MCFD2: variants seen among roughly 807,000 people sequenced by gnomAD.
MCFD2 encodes the protein multiple coagulation factor deficiency 2, ER cargo receptor complex subunit.
MCFD2 carries 11 observed loss-of-function variants against 12.8 expected under a neutral mutation model. The observed-to-expected ratio is 0.86, with a 90% CI of 0.54 to 1.42. MCFD2 has a LOEUF of 1.42. Ranked by LOEUF, MCFD2 falls within the 40% of genes most tolerant of loss-of-function variation. The pLI, the probability that MCFD2 is intolerant of heterozygous loss-of-function variation, is 0.00. For missense variants in MCFD2, 191 were observed against 178.6 expected (o/e 1.07, Z -0.40); for synonymous variants, 70 against 68.1 (o/e 1.03, Z -0.14).
chr2:46,910,479 C>T (rs925545542), intron 1 of MCFD2, among the ~76,000 whole-genome samples: 1 of 152,186 alleles, frequency 6.6e-6, no homozygotes, highest in Non-Finnish European at 1.5e-5. Context: ...GTGGTAAAGA[C>T]AAACCATAAG....
intron 1 of MCFD2, among the ~76,000 whole-genome samples, chr2:46,911,982 T>C (rs767222536): frequency 6.6e-5 from 10 of 152,170 alleles, no homozygotes; most frequent in Admixed American, 4.6e-4. Flanking sequence ...TTAATTCTTA[T>C]CTCCACAAAA....
At chr2:46,909,961 A>G (rs1668416270) in intron 1 of MCFD2, among the ~76,000 whole-genome samples, 1 of 152,238 alleles carries the variant, frequency 6.6e-6, no homozygotes, top group Admixed American at 6.5e-5. Flanking sequence ...TGGCAAAAGC[A>G]AGACTAGAGG....
chr2:46,919,874 G>C (rs979238245), upstream of MCFD2, among the ~76,000 whole-genome samples: 1 of 152,260 alleles, frequency 6.6e-6, no homozygotes, highest in East Asian at 1.9e-4. Context: ...CATTGGATGA[G>C]GGTGACCTCA....
intron 1 of MCFD2, among the ~76,000 whole-genome samples, chr2:46,926,045 G>C (rs902248165): frequency 3.9e-5 from 6 of 152,162 alleles, no homozygotes; most frequent in African/African-American, 1.4e-4. Flanking sequence ...TTACTCACTT[G>C]AGGTGCCCTT....
chr2:46,917,336 A>G (rs1488478297), upstream of MCFD2: 8 of 615,656 alleles, frequency 1.3e-5, no homozygotes, highest in Middle Eastern at 7.5e-4. Flanking sequence ...TATTAATTCA[A>G]GACCCATTCT....
chr2:46,914,496 G>C (rs1668617314), intron 1 of MCFD2, among the ~76,000 whole-genome samples: 1 of 152,226 alleles, frequency 6.6e-6, no homozygotes, highest in Admixed American at 6.5e-5. Flanking sequence ...ACTGAGGGTT[G>C]AGAATTGGTT....
At chr2:46,910,474 A>G (rs150254490) in intron 1 of MCFD2, among the ~76,000 whole-genome samples, 281 of 152,332 alleles carry the variant, frequency 1.8e-3, no homozygotes, top group Non-Finnish European at 3.4e-3. Context: ...CAGCAGTGGT[A>G]AAGACAAACC....
Position 46,910,116 on chromosome 2 carries a change from G to A in MCFD2, c.-6-939C>T, listed in dbSNP as rs544449519. ...GAAAGAAAAGTTACAGAGAAATCAGGATGCCATCAGGAACTCCCAGGGTTT... is the reference window on the plus strand; with the variant it reads ...GAAAGAAAAGTTACAGAGAAATCAGAATGCCATCAGGAACTCCCAGGGTTT... On this transcript the variant is annotated intron_variant, in intron 1 of 3. Transcript: ENST00000319466. Among the ~76,000 whole-genome samples the A allele has an allele frequency of 2.0e-5, 3 of 152,314 alleles. No individual in the cohort carries two copies. The South Asian group carries it at 6.2e-4, about 32-fold the overall frequency.
intron 1 of MCFD2, among the ~76,000 whole-genome samples, chr2:46,923,997 A>G (rs1572637929): frequency 6.6e-6 from 1 of 152,004 alleles, no homozygotes; most frequent in Middle Eastern, 3.4e-3. Flanking sequence ...CGGCCTCCCA[A>G]AGTGCTGGGA....
intron 3 of MCFD2, chr2:46,905,844 C>T (rs1474661225): frequency 1.7e-6 from 1 of 589,852 alleles, no homozygotes; most frequent in African/African-American, 1.9e-5. Context: ...TTATCATAAT[C>T]CAGTTTAGAA....
In MCFD2 at chr2:46,907,099, C is replaced by T. The variant is rs1228481465; in HGVS notation, c.309+711G>A. 6.5e-6 allele frequency: 1 copy of T among 153,542 alleles called. No individual in the cohort carries two copies. Among genetic ancestry groups the T allele is most frequent in the African/African-American group, 2.4e-5 (1 of 41,450 alleles). 9.5% of individuals were successfully genotyped at this position (153,542 alleles called of 1,614,324 possible). On this transcript the variant is annotated intron_variant, in intron 3 of 3. Coordinates refer to ENST00000319466, the MANE Select transcript of MCFD2 (RefSeq NM_139279.6). This position sits in a 1 kb window ranked among gnomAD's most constrained non-coding sequence, Gnocchi z 4.1. The stretch of plus-strand genomic sequence containing the variant: ...AAGGGCTTCAGAAACTTTGGAGCAC[C>T]ATACAGTATCACACAAGCCCTCAAT...
At chr2:46,931,692 T>TAAATAAATAAATA (rs370894593) in intron 1 of MCFD2, among the ~76,000 whole-genome samples, 9 of 148,548 alleles carry the variant, frequency 6.1e-5, no homozygotes, top group African/African-American at 1.8e-4. Flanking sequence ...AAACAGACAA[T>TAAATAAATAAATA]AATAAATAAA....
At chr2:46,906,273 T>A (rs931634197) in intron 3 of MCFD2, among the ~76,000 whole-genome samples, 3 of 152,096 alleles carry the variant, frequency 2.0e-5, no homozygotes, top group Non-Finnish European at 4.4e-5. Context: ...TGTCCTTCAG[T>A]CTGTCTCCCA....
At chr2:46,906,748 A>C (rs1212261642) in intron 3 of MCFD2, 1 of 152,628 alleles carries the variant, frequency 6.6e-6, no homozygotes, top group East Asian at 1.9e-4. Flanking sequence ...TCAACCTCCC[A>C]AAGTGCTGGG....
intron 1 of MCFD2, among the ~76,000 whole-genome samples, chr2:46,925,982 C>T (rs767907342): frequency 2.0e-5 from 3 of 152,188 alleles, no homozygotes; most frequent in Non-Finnish European, 4.4e-5. Context: ...TGGGATCAGA[C>T]TTAACCTGGA....
chr2:46,938,545 G>A (rs1303536982), intron 1 of MCFD2, among the ~76,000 whole-genome samples: 4 of 152,188 alleles, frequency 2.6e-5, no homozygotes, highest in Non-Finnish European at 4.4e-5. Context: ...ATGCTCTCCT[G>A]AGGATTTTTT....
chr2:46,925,215 T>C (rs1669324661), intron 1 of MCFD2, among the ~76,000 whole-genome samples: 1 of 152,192 alleles, frequency 6.6e-6, no homozygotes, highest in African/African-American at 2.4e-5. Context: ...CTCAGCATCC[T>C]GAGTAGCTGG....
In MCFD2 at chr2:46,908,921, A is replaced by G; in HGVS notation, c.149+102T>C. 1 of 1,445,438 alleles carries G rather than the reference A, an allele frequency of 6.9e-7. No individual in the cohort carries two copies. Among genetic ancestry groups the G allele is most frequent in the Non-Finnish European group, 9.7e-7 (1 of 1,027,306 alleles). 89.5% of individuals were successfully genotyped at this position (1,445,438 alleles called of 1,614,324 possible). On this transcript the variant is annotated intron_variant, in intron 2 of 3. Transcript: ENST00000319466. This position sits in a 1 kb window ranked among gnomAD's most constrained non-coding sequence, Gnocchi z 4.5. Reference sequence around the variant, plus strand: ...TCCTTGAAGAATGTCAAGGAGCCATAGAAACAGGAAGAAGGAAAGGAGGAC... The same window carrying G: ...TCCTTGAAGAATGTCAAGGAGCCATGGAAACAGGAAGAAGGAAAGGAGGAC...
Position 46,937,686 on chromosome 2 carries a change from C to T in MCFD2, c.-8+3886G>A, listed in dbSNP as rs1227580264. On this transcript the variant is annotated intron_variant, in intron 1 of 2. Coordinates refer to the MCFD2 transcript ENST00000409147. The surrounding 1 kb of genome is among the most constrained non-coding windows in gnomAD (Gnocchi z 4.0). ...TTCCTGGACTCAAGTGATTCTCCCA[C>T]CTCCTTCTCCCAAAGTGTTAGGATT... 1.3e-5 allele frequency among the ~76,000 whole-genome samples: 2 copies of T among 152,178 alleles called. No homozygotes were observed. The highest frequency in any genetic ancestry group is 2.1e-4 in the South Asian group (1 of 4,828).
Sources: gnomAD v4.1 joint callset for allele counts (sites outside exome capture counted in the v4.1 genomes callset) on GRCh38, gnomAD v4.1.1 for gene constraint, Gnocchi (gnomAD v3.1) non-coding constraint, MANE v1.5 for transcripts, NCBI Gene and HGNC (gene_info 2026-07-23, HGNC 2026-07-21) for gene names.